The following ABCA13 variants were observed in gnomAD, a reference collection of about 807,000 sequenced individuals.
ABCA13 encodes the protein ATP binding cassette subfamily A member 13.
ABCA13 carries 476 observed loss-of-function variants against 478.7 expected under a neutral mutation model. That is an observed-to-expected ratio of 0.99 (90% CI 0.92 to 1.07). ABCA13 has a LOEUF of 1.07. ABCA13 is among the 50% of genes least tolerant of loss of function. ABCA13 has a pLI of 0.00. For missense variants in ABCA13, 6,060 were observed against 5,910.6 expected (o/e 1.03, Z -0.83); for synonymous variants, 2,252 against 2,158.9 (o/e 1.04, Z -1.20).
At position 48,374,375 on chromosome 7, in the gene ABCA13, A is replaced by G. The variant is rs201213500; in HGVS notation, c.11162A>G (p.Gln3721Arg). Residue 3721 changes from glutamine to arginine, a missense_variant, in exon 34 of 62, where the codon CAA becomes CGA. Gln to Arg is a conservative substitution (Grantham distance 43, BLOSUM62 1). Transcript: ENST00000435803. ...CTTCTTTCGACAACCGCCTTTGGAC[A>G]AGGGGTATTTTTTATTACATTCCTG... Reference protein sequence around the residue: ...LCLLSTTAFGQGVFFITFLEG... With the variant: ...LCLLSTTAFGRGVFFITFLEG... 9 of 1,610,714 alleles carry G rather than the reference A, an allele frequency of 5.6e-6. No individual in the cohort carries two copies. Among genetic ancestry groups the G allele is most frequent in the African/African-American group, 4.0e-5 (3 of 74,898 alleles).
At chr7:48,328,240 G>A (rs1804626896) in intron 27 of ABCA13, among the ~76,000 whole-genome samples, 1 of 152,178 alleles carries the variant, frequency 6.6e-6, no homozygotes, top group Non-Finnish European at 1.5e-5. Context: ...GAAGGGCACT[G>A]GTGGGACCTT....
intron 42 of ABCA13, among the ~76,000 whole-genome samples, chr7:48,448,098 A>G (rs1445082924): frequency 6.6e-6 from 1 of 152,208 alleles, no homozygotes; most frequent in Admixed American, 6.5e-5. Flanking sequence ...ATGCCTGACA[A>G]CAGAGTCCAC....
rs1437804013 is a variant in ABCA13 at position 48,587,168 on chromosome 7, C to A, written c.14520C>A (p.Leu4840=). 4 of 1,613,208 alleles carry A rather than the reference C, an allele frequency of 2.5e-6. No homozygotes were observed. In the South Asian group the frequency reaches 4.4e-5, roughly 18 times the overall value. The change falls in exon 57 of 62, where the codon CTC becomes CTA. Residue 4840 remains leucine, a synonymous_variant. Coordinates refer to ENST00000435803, the MANE Select transcript of ABCA13 (RefSeq NM_152701.5). The part of the protein sequence containing the change: ...RQCIPEVAGD[L]IRRLHLEAHA... The stretch of plus-strand genomic sequence containing the variant: ...CTCTCTTCCAGGTTGCTGGAGACCT[C>A]ATCAGGCGCTTACACCTCGAAGCCC...
chr7:48,647,371 A>G lies in ABCA13; in HGVS notation c.*1859A>G, dbSNP rs1487953228. On this transcript the variant is annotated 3_prime_UTR_variant, in exon 62 of 62. Transcript: ENST00000435803. ...GTATGATTTATTCTCTAATTCTAACATAGTCTAGTTGTCAAAAGGAAATAT... is the reference window on the plus strand; with the variant it reads ...GTATGATTTATTCTCTAATTCTAACGTAGTCTAGTTGTCAAAAGGAAATAT... The G allele has an allele frequency of 6.6e-6, 1 of 152,202 alleles. No homozygotes were observed. The highest frequency in any genetic ancestry group is 1.5e-5 in the Non-Finnish European group (1 of 68,020). 9.4% of individuals were successfully genotyped at this position (152,202 alleles called of 1,614,324 possible). A position where few individuals can be genotyped will look rare whatever the true frequency, so the allele number is the denominator to read the frequency against.
intron 55 of ABCA13, among the ~76,000 whole-genome samples, chr7:48,535,051 C>T (rs1833475952): frequency 6.6e-6 from 1 of 152,152 alleles, no homozygotes; most frequent in Non-Finnish European, 1.5e-5. Flanking sequence ...TGCTGGTGAG[C>T]TGATACGATC....
rs759060372 is a variant in ABCA13, at chr7:48,427,788, A to G, written c.12482A>G (p.Asp4161Gly). The G allele has an allele frequency of 1.2e-6, 2 of 1,613,742 alleles. No homozygotes were observed. Among genetic ancestry groups the G allele is most frequent in the Admixed American group, 3.3e-5 (2 of 60,012 alleles). ...AAGGTGTTTTTGATGCTTTTGCAAG[A>G]TTCCAACAAGAAATCTCACATTGCC... ...LEEVFLMLLQ[D>G]SNKKSHIALG... Residue 4161 changes from aspartate (D) to glycine (G), a missense_variant, in exon 42 of 62, where the codon GAT becomes GGT. This residue lies in a region of ABCA13 where 1,627 missense variants were observed against 1,571.0 expected (regional missense o/e 1.04). Transcript: ENST00000435803.
At position 48,198,260 on chromosome 7, in the gene ABCA13, C is replaced by A; in HGVS notation, c.187C>A (p.Pro63Thr). 6.2e-7 allele frequency: 1 copy of A among 1,613,298 alleles called. No individual in the cohort carries two copies. Among genetic ancestry groups the A allele is most frequent in the East Asian group, 2.2e-5 (1 of 44,860 alleles). The change falls in exon 3 of 62, where the codon CCC (proline) becomes ACC (threonine). Residue 63 changes from proline (P) to threonine (T), a missense_variant. Pro to Thr is a conservative substitution (Grantham distance 38). Coordinates refer to ENST00000435803, the MANE Select transcript of ABCA13 (RefSeq NM_152701.5). ...DICYLQPRDL[P>T]SCGVIPFVQS... ...AGGTTATTTGCAGCCCCGAGATCTA[C>A]CCAGCTGTGGTGTTATCCCCTTTGT...
At chr7:48,293,745 A>C (rs1798919017) in intron 20 of ABCA13, among the ~76,000 whole-genome samples, 1 of 150,152 alleles carries the variant, frequency 6.7e-6, no homozygotes, top group Non-Finnish European at 1.5e-5. Context: ...TATTATTCTA[A>C]AAGGTTTTTT....
At chr7:48,602,594 G>A (rs1433824764) in intron 58 of ABCA13, among the ~76,000 whole-genome samples, 2 of 151,992 alleles carry the variant, frequency 1.3e-5, no homozygotes, top group African/African-American at 4.8e-5. Context: ...TATCTGTATT[G>A]GTACCAGTAC....
In ABCA13 at chr7:48,272,499, T is replaced by C. The variant is rs1389658457; in HGVS notation, c.2833T>C (p.Leu945=). ...ACAAAAACAAGAAGTTGATAAAATT[T>C]TGACTCACATACACCTAAATGTCTT... ...EPQKQEVDKI[L]THIHLNVFQD... The change falls in exon 17 of 62, where the codon TTG becomes CTG. Residue 945 remains leucine, a synonymous_variant. Transcript: ENST00000435803. 9 of 1,613,664 alleles carry C rather than the reference T, an allele frequency of 5.6e-6. No homozygotes were observed. The Admixed American group carries it at 6.7e-5, about 12-fold the overall frequency.
chr7:48,338,507 A>C, intron 29 of ABCA13, 52 bp downstream of exon 29: 1 of 1,455,548 alleles, frequency 6.9e-7, no homozygotes, highest in Non-Finnish European at 9.3e-7. Context: ...TGGCTCTGCC[A>C]CTTGGGTGGG....
At chr7:48,204,138 GTTTC>G (rs1414476311) in intron 3 of ABCA13, among the ~76,000 whole-genome samples, 17 of 145,260 alleles carry the variant, frequency 1.2e-4, no homozygotes, top group African/African-American at 3.8e-4. Context: ...CTGAGACGGA[GTTTC>G]TTTCTTGTTG....
intron 10 of ABCA13, chr7:48,243,234 T>C (rs549445230): frequency 2.6e-5 from 4 of 152,430 alleles, no homozygotes; most frequent in African/African-American, 9.6e-5. Flanking sequence ...TGTCAGAGTT[T>C]AAAGAGACTT....
chr7:48,293,191 A>AGC (rs1554419528), intron 20 of ABCA13, among the ~76,000 whole-genome samples: 1 of 98,664 alleles, frequency 1.0e-5, no homozygotes, highest in African/African-American at 3.3e-5. Flanking sequence ...AGAAGTCTTC[A>AGC]GCCCCCCCCC....
At chr7:48,493,943 T>G (rs1354999770) in intron 48 of ABCA13, among the ~76,000 whole-genome samples, 3 of 152,062 alleles carry the variant, frequency 2.0e-5, no homozygotes, top group Non-Finnish European at 2.9e-5. Context: ...CAGACAGAAG[T>G]GTAAGTTAGG....
At chr7:48,454,541 G>C (rs1318099590) in intron 42 of ABCA13, among the ~76,000 whole-genome samples, 1 of 152,198 alleles carries the variant, frequency 6.6e-6, no homozygotes, top group East Asian at 1.9e-4. Flanking sequence ...GGCAGGCGCC[G>C]GGCTCTCCTA....
intron 42 of ABCA13, among the ~76,000 whole-genome samples, chr7:48,433,493 T>C (rs1822423445): frequency 1.3e-5 from 2 of 149,500 alleles, no homozygotes; most frequent in South Asian, 4.2e-4. Context: ...TTATGTATTA[T>C]ATATGATATA....
intron 56 of ABCA13, among the ~76,000 whole-genome samples, chr7:48,581,387 C>T (rs556149568): frequency 2.9e-4 from 44 of 152,298 alleles, no homozygotes; most frequent in Non-Finnish European, 1.2e-4. Context: ...ACTCTGGCCC[C>T]TTTTCCCATC....
intron 15 of ABCA13, among the ~76,000 whole-genome samples, chr7:48,263,831 A>G (rs1316709932): frequency 6.6e-6 from 1 of 151,920 alleles, no homozygotes; most frequent in Non-Finnish European, 1.5e-5. Context: ...TCATACAGGC[A>G]TGCAATGTGT....
Sources: gnomAD v4.1 joint callset for allele counts (sites outside exome capture counted in the v4.1 genomes callset) on GRCh38, gnomAD v4.1.1 for gene constraint, gnomAD v4.1.1 regional missense constraint, MANE v1.5 for transcripts, NCBI Gene and HGNC (gene_info 2026-07-23, HGNC 2026-07-21) for gene names.